Variants in CBR4 observed in about 807,000 individuals in gnomAD.
CBR4 encodes carbonyl reductase 4, also known as 3-oxoacyl-[acyl-carrier-protein] reductase.
In CBR4, 22 loss-of-function variants were observed where a neutral mutation model predicts 21.0. The observed-to-expected ratio is 1.05, with a 90% CI of 0.75 to 1.50. CBR4 has a LOEUF of 1.50. Among genes scored for constraint, CBR4 ranks in the 40% most tolerant of loss-of-function variants. CBR4 has a pLI of 0.00. For missense variants in CBR4, 302 were observed against 286.3 expected (o/e 1.05, Z -0.40); for synonymous variants, 100 against 104.4 (o/e 0.96, Z 0.26).
intron 2 of CBR4, among the ~76,000 whole-genome samples, chr4:168,964,455 AT>A (rs1763958476): frequency 6.6e-6 from 1 of 152,168 alleles, no homozygotes; most frequent in African/African-American, 2.4e-5. Context: ...CTAAAAAGGT[AT>A]TTTTCTCCCC....
chr4:168,914,778 G>A (rs1054463866), intron 2 of CBR4, among the ~76,000 whole-genome samples: 3 of 152,200 alleles, frequency 2.0e-5, no homozygotes, highest in African/African-American at 7.2e-5. Context: ...CTTTAGTGAA[G>A]AGAATACATA....
At chr4:169,008,935 A>G in intron 1 of CBR4, 1 of 454,436 alleles carries the variant, frequency 2.2e-6, no homozygotes. Flanking sequence ...TGTTAACTTA[A>G]AAATGAACAG....
intron 3 of CBR4, among the ~76,000 whole-genome samples, chr4:169,003,180 T>C (rs1460096629): frequency 6.6e-6 from 1 of 152,254 alleles, no homozygotes; most frequent in Non-Finnish European, 1.5e-5. Flanking sequence ...CTTAGGAATC[T>C]GGGCAAAGTA....
At chr4:168,982,397 T>C (rs936775908) in intron 2 of CBR4, among the ~76,000 whole-genome samples, 8 of 152,058 alleles carry the variant, frequency 5.3e-5, no homozygotes, top group Admixed American at 2.6e-4. Context: ...GCAGTCAACA[T>C]TGGAGCACCC....
chr4:168,896,467 T>C (rs549775218), intron 2 of CBR4: 1 of 829,568 alleles, frequency 1.2e-6, no homozygotes, highest in South Asian at 1.4e-5. Flanking sequence ...CACAAAAGTT[T>C]CACTTAAGGA....
chr4:168,912,557 CA>C (rs1479311868), intron 2 of CBR4, among the ~76,000 whole-genome samples: 2 of 152,210 alleles, frequency 1.3e-5, no homozygotes, highest in African/African-American at 4.8e-5. Context: ...TGTCTGTTCA[CA>C]TATGACAGCG....
chr4:168,938,328 A>G (rs1431851461), intron 2 of CBR4, among the ~76,000 whole-genome samples: 4 of 152,218 alleles, frequency 2.6e-5, no homozygotes, highest in Non-Finnish European at 5.9e-5. Context: ...TTAGAGGGAA[A>G]TTTATAGCAC....
At chr4:168,947,298 G>A (rs1176104799) in intron 2 of CBR4, among the ~76,000 whole-genome samples, 1 of 152,076 alleles carries the variant, frequency 6.6e-6, no homozygotes, top group African/African-American at 2.4e-5. Flanking sequence ...GATAAAAGCA[G>A]ACTGGGCCAG....
chr4:168,982,921 G>A (rs1174683203), downstream of CBR4, among the ~76,000 whole-genome samples: 1 of 152,126 alleles, frequency 6.6e-6, no homozygotes, highest in African/African-American at 2.4e-5. Flanking sequence ...CTAAAGTAGT[G>A]TCAAAAGCAA....
chr4:169,010,000 C>A lies in CBR4; in HGVS notation c.90G>T (p.Ala30=), dbSNP rs1560997732. ...CCCCTTCCAGGTTTCTGGCAATGAC[C>A]GCCAGTCGGTAGCCTTTCCGGGCCA... ...QLMARKGYRL[A]VIARNLEGAK... The change falls in exon 1 of 5, where the codon GCG becomes GCT. Residue 30 remains alanine (A), a synonymous_variant. Transcript: ENST00000306193. 2 of 1,613,436 alleles carry A rather than the reference C, an allele frequency of 1.2e-6. No homozygotes were observed. The highest frequency in any genetic ancestry group is 3.3e-5 in the Admixed American group (2 of 59,914).
rs1362705751 is a variant in CBR4, at chr4:168,990,145, G to A, written c.*5C>T. 1 of 1,589,362 alleles carries A rather than the reference G, an allele frequency of 6.3e-7. No homozygotes were observed. Among genetic ancestry groups the A allele is most frequent in the African/African-American group, 1.4e-5 (1 of 73,570 alleles). The stretch of plus-strand genomic sequence containing the variant: ...AATCACCCCTATAACTGAATAATCT[G>A]CAAATTACAAAATGAGTTGTAATCC... On this transcript the variant is annotated 3_prime_UTR_variant, in exon 5 of 5. Coordinates refer to ENST00000306193, the MANE Select transcript of CBR4 (RefSeq NM_032783.5).
intron 2 of CBR4, among the ~76,000 whole-genome samples, chr4:168,975,024 A>G (rs534550437): frequency 6.6e-6 from 1 of 152,194 alleles, no homozygotes; most frequent in East Asian, 1.9e-4. Context: ...ATTTCTTCTC[A>G]TTTGGGTAGA....
chr4:168,988,694 T>C lies in CBR4; in HGVS notation c.*1456A>G. 1 of 978,370 alleles carries C rather than the reference T, an allele frequency of 1.0e-6. No individual in the cohort carries two copies. Among genetic ancestry groups the C allele is most frequent in the Non-Finnish European group, 1.2e-6 (1 of 823,458 alleles). 60.6% of individuals were successfully genotyped at this position (978,370 alleles called of 1,614,324 possible). On this transcript the variant is annotated 3_prime_UTR_variant, in exon 5 of 5. Transcript: ENST00000306193. ...TGCATTTAATAGACAATTTGTTTAA[T>C]GATACTAACTTTACTCACACTTAAT... is the stretch of plus-strand genomic sequence containing the variant.
intron 2 of CBR4, among the ~76,000 whole-genome samples, chr4:168,902,038 G>C (rs973533077): frequency 2.0e-5 from 3 of 152,132 alleles, no homozygotes; most frequent in African/African-American, 7.2e-5. Context: ...AGTTTGAAAA[G>C]TTAGAGCAGT....
intron 2 of CBR4, among the ~76,000 whole-genome samples, chr4:168,974,699 A>T (rs1405038299): frequency 6.6e-6 from 1 of 152,112 alleles, no homozygotes; most frequent in Non-Finnish European, 1.5e-5. Context: ...TCTATTGCTG[A>T]AACTTTCCAC....
chr4:168,926,882 C>A, intron 2 of CBR4: 1 of 220,090 alleles, frequency 4.5e-6, no homozygotes, highest in Non-Finnish European at 9.1e-6. Flanking sequence ...ACAAAGAAAT[C>A]CAAGTAAATG....
chr4:168,958,453 T>C (rs549675613), intron 2 of CBR4, among the ~76,000 whole-genome samples: 223 of 152,380 alleles, frequency 1.5e-3, no homozygotes, highest in African/African-American at 5.1e-3. Flanking sequence ...ATATTTTGTT[T>C]ATCCATTCTC....
chr4:168,918,135 G>T, intron 2 of CBR4, among the ~76,000 whole-genome samples: 1 of 151,188 alleles, frequency 6.6e-6, no homozygotes, highest in Non-Finnish European at 1.5e-5. Flanking sequence ...GGAGGCAGAG[G>T]TTGCATCACT....
At chr4:168,940,917 A>G (rs1346845770) in intron 2 of CBR4, among the ~76,000 whole-genome samples, 1 of 152,258 alleles carries the variant, frequency 6.6e-6, no homozygotes, top group Non-Finnish European at 1.5e-5. Context: ...TGGCCCAGCA[A>G]TCCCATTACT....
Sources: allele counts gnomAD v4.1 joint callset (sites outside exome capture counted in the v4.1 genomes callset), GRCh38; gene constraint gnomAD v4.1.1; transcripts MANE v1.5; gene names NCBI Gene and HGNC (gene_info 2026-07-23, HGNC 2026-07-21).